Variants in IFT46 observed in about 807,000 individuals in gnomAD.
IFT46 encodes the protein intraflagellar transport 46, also known as intraflagellar transport protein 46 homolog.
IFT46 carries 19 observed loss-of-function variants against 39.6 expected under a neutral mutation model. That is an observed-to-expected ratio of 0.48 (90% CI 0.33 to 0.70). IFT46 has a LOEUF of 0.70. Among genes scored for constraint, IFT46 ranks in the 30% least tolerant of loss-of-function variants. The pLI is 0.01. For synonymous variants in IFT46, 117 were observed against 134.8 expected, an observed-to-expected ratio of 0.87 and a Z score of 0.91; for missense variants, 334 against 364.8, an observed-to-expected ratio of 0.92 and a Z score of 0.69.
upstream of IFT46, among the ~76,000 whole-genome samples, chr11:118,573,940 T>C (rs1938420330): frequency 6.6e-6 from 1 of 152,200 alleles, no homozygotes; most frequent in East Asian, 1.9e-4. Context: ...TAATAATGCA[T>C]TTTAGAGCAT....
chr11:118,569,284 A>AC (rs1938290322), upstream of IFT46, among the ~76,000 whole-genome samples: 1 of 151,808 alleles, frequency 6.6e-6, no homozygotes, highest in African/African-American at 2.4e-5. Flanking sequence ...CTTCTCAAAA[A>AC]AAAAAAATTT....
intron 2 of IFT46, chr11:118,560,292 G>A (rs1370319451): frequency 2.2e-5 from 4 of 179,884 alleles, no homozygotes; most frequent in East Asian, 1.6e-4. Context: ...GATGCCATGC[G>A]CCTGTGGTCC....
Position 118,545,974 on chromosome 11 carries a change from T to C in IFT46, c.673-121A>G, listed in dbSNP as rs1440138585. ...ACACAGGTTATGGGCTGAAATGTGT[T>C]CCCCTAAAATTCAGATATTGAGTTC... On this transcript the variant is annotated intron_variant, in intron 9 of 11. Coordinates refer to ENST00000264021, the MANE Select transcript of IFT46 (RefSeq NM_001168618.2). 173 of 819,128 alleles carry C rather than the reference T, an allele frequency of 2.1e-4. 3 individuals carry two copies. The highest frequency in any genetic ancestry group is 1.7e-3 in the South Asian group (120 of 71,376). The allele number at this position is 819,128 out of a possible 1,614,324, so 50.7% of individuals were successfully genotyped here.
chr11:118,568,668 T>C (rs1235016113), upstream of IFT46, among the ~76,000 whole-genome samples: 3 of 151,610 alleles, frequency 2.0e-5, no homozygotes, highest in African/African-American at 7.2e-5. Context: ...CCATTGTCAC[T>C]TTTTTTTTCT....
intron 1 of IFT46, chr11:118,572,435 G>C (rs1180012325): frequency 4.4e-6 from 5 of 1,133,250 alleles, no homozygotes; most frequent in Admixed American, 2.6e-5. Context: ...AAGCGGCAGC[G>C]GTTCCTGTCA....
chr11:118,545,052 T>C (rs1430722147), intron 11 of IFT46, 41 bp from the exon 12 acceptor site: 11 of 1,276,580 alleles, frequency 8.6e-6, no homozygotes, highest in East Asian at 2.3e-5. Context: ...ATTAGGGATA[T>C]GCTAATTGCT....
At chr11:118,556,179 T>G (rs2135495119) in intron 4 of IFT46, among the ~76,000 whole-genome samples, 1 of 152,198 alleles carries the variant, frequency 6.6e-6, no homozygotes, top group East Asian at 1.9e-4. Context: ...CACACCAGCA[T>G]GCTCAGCTAA....
At chr11:118,549,698 T>C (rs1168196302) in intron 9 of IFT46, among the ~76,000 whole-genome samples, 2 of 151,870 alleles carry the variant, frequency 1.3e-5, no homozygotes, top group African/African-American at 4.8e-5. Flanking sequence ...CTAATTATTG[T>C]ATTTCTAGTA....
At position 118,563,623 on chromosome 11, in the gene IFT46, A is replaced by G. The variant is rs538963688; in HGVS notation, c.-36+1342T>C. On this transcript the variant is annotated intron_variant, in intron 2 of 11. Coordinates refer to ENST00000264021, the MANE Select transcript of IFT46 (RefSeq NM_001168618.2). ...ACTATCATCTCAACTCAGCCATCAC[A>G]ACAGTCCATTCCACACACGACAGCA... Among the ~76,000 whole-genome samples the G allele has an allele frequency of 1.5e-4, 23 of 152,200 alleles. No individual in the cohort carries two copies. The South Asian group carries it at 4.8e-3, about 32-fold the overall frequency.
chr11:118,556,617 CA>C (rs1937844354), intron 4 of IFT46, among the ~76,000 whole-genome samples: 1 of 152,186 alleles, frequency 6.6e-6, no homozygotes, highest in Non-Finnish European at 1.5e-5. Flanking sequence ...AGGCTTGAGC[CA>C]CCATGCCTGG....
intron 3 of IFT46, chr11:118,557,639 TA>T: frequency 7.2e-7 from 1 of 1,379,564 alleles, no homozygotes; most frequent in Admixed American, 1.7e-5. Flanking sequence ...GTATCTGACC[TA>T]TCTGTATTTC....
At chr11:118,552,414 G>GTTTTTA in intron 7 of IFT46, 79 bp from the exon 8 acceptor site, 1 of 1,526,804 alleles carries the variant, frequency 6.5e-7, no homozygotes, top group Admixed American at 1.9e-5. Context: ...TATATCTGCT[G>GTTTTTA]CTGTTTCATA....
Position 118,556,483 on chromosome 11 carries a change from A to G in IFT46, c.185+423T>C, listed in dbSNP as rs556231914. Reference sequence around the variant, plus strand: ...ACTCCAGCCTGGGCGATAGAGCAAGACTCTGTCTCAAAAAAAAAATAAAAT... The same window carrying G: ...ACTCCAGCCTGGGCGATAGAGCAAGGCTCTGTCTCAAAAAAAAAATAAAAT... On this transcript the variant is annotated intron_variant, in intron 4 of 11. Transcript: ENST00000264021. Among the ~76,000 whole-genome samples the G allele has an allele frequency of 5.3e-5, 8 of 151,352 alleles. No homozygotes were observed. In the South Asian group the frequency reaches 1.7e-3, roughly 32 times the overall value.
At chr11:118,554,871 T>G (rs887368833) in intron 6 of IFT46, 119 bp downstream of exon 6, 4 of 779,296 alleles carry the variant, frequency 5.1e-6, no homozygotes, top group Admixed American at 2.5e-5. Context: ...GGTTAAGAAC[T>G]CCAATGAAAT....
chr11:118,548,351 A>G (rs1277940865), intron 9 of IFT46, among the ~76,000 whole-genome samples: 3 of 142,026 alleles, frequency 2.1e-5, no homozygotes, highest in Non-Finnish European at 4.5e-5. Context: ...AAACTGTCAC[A>G]TTTTCTCCAT....
At chr11:118,550,092 A>G (rs1555068067) in intron 9 of IFT46, among the ~76,000 whole-genome samples, 1 of 150,136 alleles carries the variant, frequency 6.7e-6, no homozygotes, top group Non-Finnish European at 1.5e-5. Flanking sequence ...ACACCACCAC[A>G]CCCAGCTAAT....
chr11:118,568,039 T>G (rs1436959495), upstream of IFT46, among the ~76,000 whole-genome samples: 3 of 152,180 alleles, frequency 2.0e-5, no homozygotes, highest in Admixed American at 2.0e-4. Context: ...TCAAGAAGCA[T>G]GCTTACAGGG....
In IFT46 at chr11:118,544,605, C is replaced by T. The variant is rs1351342988; in HGVS notation, c.*311G>A. On this transcript the variant is annotated 3_prime_UTR_variant, in exon 12 of 12. Transcript: ENST00000264021. ...TGAAAGAAAACAATTCCATCCCTCT[C>T]ACAAAAAGGACATCTTTTAAGCTTT... 6 of 301,124 alleles carry T rather than the reference C, an allele frequency of 2.0e-5. No individual in the cohort carries two copies. In the East Asian group the frequency reaches 3.9e-4, roughly 20 times the overall value. 18.7% of individuals were successfully genotyped at this position (301,124 alleles called of 1,614,324 possible).
At chr11:118,572,498 CT>C (rs1555072610) in intron 1 of IFT46, 1 of 1,608,772 alleles carries the variant, frequency 6.2e-7, no homozygotes. Context: ...GACCCTACCC[CT>C]ATCCCCAGTG....
Sources: gnomAD v4.1 joint callset for allele counts (sites outside exome capture counted in the v4.1 genomes callset) on GRCh38, gnomAD v4.1.1 for gene constraint, MANE v1.5 for transcripts, NCBI Gene and HGNC (gene_info 2026-07-23, HGNC 2026-07-21) for gene names.